FARS2: variants seen among roughly 807,000 people sequenced by gnomAD.
FARS2 encodes phenylalanyl-tRNA synthetase 2, mitochondrial, also known as phenylalanine--tRNA ligase, mitochondrial.
A neutral mutation model predicts 46.4 loss-of-function variants in FARS2; 40 were observed. The observed-to-expected ratio is 0.86, with a 90% confidence interval of 0.67 to 1.12. The LOEUF is 1.12. FARS2 is among the 50% of genes most tolerant of loss of function. The pLI, the probability that FARS2 is intolerant of heterozygous loss-of-function variation, is 0.00. For synonymous variants in FARS2, 234 were observed against 214.9 expected, an observed-to-expected ratio of 1.09 and a Z score of -0.78; for missense variants, 513 against 567.9, an observed-to-expected ratio of 0.90 and a Z score of 0.98.
chr6:5,616,985 A>C (rs1008585709), intron 6 of FARS2, among the ~76,000 whole-genome samples: 5 of 151,966 alleles, frequency 3.3e-5, no homozygotes, highest in African/African-American at 1.2e-4. Context: ...GTAAACATTG[A>C]ATCTTTTTGA....
At chr6:5,491,116 C>T (rs1033838073) in intron 4 of FARS2, among the ~76,000 whole-genome samples, 5 of 152,126 alleles carry the variant, frequency 3.3e-5, no homozygotes, top group African/African-American at 4.8e-5. Context: ...TTCTCTTTAG[C>T]GATTCTAGTA....
intron 6 of FARS2, among the ~76,000 whole-genome samples, chr6:5,690,716 C>G (rs1221536417): frequency 6.6e-6 from 1 of 152,148 alleles, no homozygotes; most frequent in African/African-American, 2.4e-5. Flanking sequence ...GTGACATTCT[C>G]TGTATTTCCT....
At chr6:5,418,935 C>A (rs1762393646) in intron 3 of FARS2, among the ~76,000 whole-genome samples, 1 of 151,638 alleles carries the variant, frequency 6.6e-6, no homozygotes, top group Admixed American at 6.6e-5. Flanking sequence ...GTTTATTATT[C>A]CATCCTGTCC....
chr6:5,399,800 A>T (rs1331852246), intron 2 of FARS2, among the ~76,000 whole-genome samples: 2 of 152,176 alleles, frequency 1.3e-5, no homozygotes, highest in African/African-American at 4.8e-5. Flanking sequence ...GTCCAGAGAG[A>T]TCTTCCTCGT....
intron 1 of FARS2, among the ~76,000 whole-genome samples, chr6:5,326,823 A>G (rs572323760): frequency 1.3e-5 from 2 of 152,142 alleles, no homozygotes; most frequent in South Asian, 2.1e-4. Context: ...TTTTTTTTCT[A>G]GAGGCAATAT....
At chr6:5,328,667 G>T (rs116353839) in intron 1 of FARS2, among the ~76,000 whole-genome samples, 3 of 151,894 alleles carry the variant, frequency 2.0e-5, no homozygotes, top group African/African-American at 7.3e-5. Context: ...CGTATTTATG[G>T]TATCTCGGTG....
intron 6 of FARS2, among the ~76,000 whole-genome samples, chr6:5,715,823 A>G (rs1582819926): frequency 1.3e-5 from 2 of 152,210 alleles, no homozygotes; most frequent in South Asian, 4.1e-4. Context: ...TCTTGGGTGT[A>G]TGCCTAGGAG....
At chr6:5,665,352 A>G (rs899328032) in intron 6 of FARS2, 1 of 152,406 alleles carries the variant, frequency 6.6e-6, no homozygotes, top group African/African-American at 2.4e-5. Flanking sequence ...CATGGGTCAC[A>G]GCTGCAAGAA....
chr6:5,286,967 A>C (rs1379784431), intron 1 of FARS2, among the ~76,000 whole-genome samples: 1 of 152,226 alleles, frequency 6.6e-6, no homozygotes, highest in Non-Finnish European at 1.5e-5. Context: ...CTAATACAGG[A>C]AGACTCGCTG....
chr6:5,598,911 T>C (rs1774353492), intron 5 of FARS2, among the ~76,000 whole-genome samples: 4 of 152,214 alleles, frequency 2.6e-5, no homozygotes, highest in Admixed American at 1.3e-4. Flanking sequence ...CTTAAGTTCT[T>C]TGGGTTCATT....
chr6:5,358,396 G>T (rs547156595), intron 1 of FARS2, among the ~76,000 whole-genome samples: 1 of 152,188 alleles, frequency 6.6e-6, no homozygotes, highest in Non-Finnish European at 1.5e-5. Context: ...TATGGAATAT[G>T]TAGAGCTATA....
At chr6:5,759,221 C>G (rs765247179) in intron 6 of FARS2, among the ~76,000 whole-genome samples, 2 of 152,178 alleles carry the variant, frequency 1.3e-5, no homozygotes, top group Non-Finnish European at 2.9e-5. Context: ...CTCTCACTTT[C>G]TTTCACTCCA....
intron 1 of FARS2, among the ~76,000 whole-genome samples, chr6:5,359,006 G>A (rs1001941923): frequency 2.1e-4 from 29 of 138,526 alleles, no homozygotes; most frequent in African/African-American, 7.5e-4. Flanking sequence ...TTTCTCAATC[G>A]AATTATAGTG....
Position 5,664,815 on chromosome 6 carries a change from G to A in FARS2, c.1217+51495G>A, listed in dbSNP as rs190099988. On this transcript the variant is annotated intron_variant, in intron 6 of 6. Coordinates refer to ENST00000274680, the MANE Select transcript of FARS2 (RefSeq NM_006567.5). ...GGGTCTATCATTCAGTAGCTCAAGG[G>A]CAGCTGGACGGAGAAGAGATTAGAA... Among the ~76,000 whole-genome samples, 138 of 152,228 alleles carry A rather than the reference G, an allele frequency of 9.1e-4. 1 individual carries two copies. Among genetic ancestry groups the A allele is most frequent in the African/African-American group, 3.2e-3 (131 of 41,548 alleles).
At chr6:5,418,513 A>G (rs756089682) in intron 3 of FARS2, among the ~76,000 whole-genome samples, 4 of 152,162 alleles carry the variant, frequency 2.6e-5, no homozygotes. Context: ...TTGGCTGTTG[A>G]GAACTGGCAC....
intron 4 of FARS2, among the ~76,000 whole-genome samples, chr6:5,457,296 C>T (rs1764953249): frequency 2.0e-5 from 3 of 152,198 alleles, no homozygotes; most frequent in Admixed American, 1.3e-4. Flanking sequence ...ATGGCAGTGC[C>T]ATCAGAGCTT....
chr6:5,296,167 A>C (rs1306043046), intron 1 of FARS2, among the ~76,000 whole-genome samples: 4 of 90,808 alleles, frequency 4.4e-5, no homozygotes, highest in Non-Finnish European at 5.7e-5. Context: ...TTTGAGACGA[A>C]GTCTAGCTCT....
intron 5 of FARS2, among the ~76,000 whole-genome samples, chr6:5,568,807 T>C (rs1409931962): frequency 6.6e-6 from 1 of 152,148 alleles, no homozygotes; most frequent in African/African-American, 2.4e-5. Context: ...TGAGGATAGA[T>C]TGGGGCCATG....
chr6:5,390,171 C>T (rs1299052845), intron 2 of FARS2, among the ~76,000 whole-genome samples: 1 of 152,156 alleles, frequency 6.6e-6, no homozygotes, highest in Non-Finnish European at 1.5e-5. Context: ...GCCTCTACTA[C>T]AGTTTTTTTG....
Sources: allele counts gnomAD v4.1 joint callset (sites outside exome capture counted in the v4.1 genomes callset), GRCh38; gene constraint gnomAD v4.1.1; transcripts MANE v1.5; gene names NCBI Gene and HGNC (gene_info 2026-07-23, HGNC 2026-07-21).